SLC7A8: variants seen among roughly 807,000 people sequenced by gnomAD.
The protein encoded by SLC7A8 is solute carrier family 7 member 8, also known as large neutral amino acids transporter small subunit 2.
Under a neutral mutation model 51.2 loss-of-function variants are expected in SLC7A8, and 30 were observed. The observed-to-expected ratio is 0.59, with a 90% CI of 0.44 to 0.80. SLC7A8 has a LOEUF of 0.80. Ranked by LOEUF, SLC7A8 falls within the 30% of genes least tolerant of loss-of-function variation. The pLI, the probability that SLC7A8 is intolerant of heterozygous loss-of-function variation, is 0.00. For missense variants in SLC7A8, 612 were observed against 674.4 expected (o/e 0.91, Z 1.03); for synonymous variants, 257 against 275.8 (o/e 0.93, Z 0.67).
intron 10 of SLC7A8, 63 bp from the exon 11 acceptor site, chr14:23,127,406 G>A: frequency 6.3e-7 from 1 of 1,580,438 alleles, no homozygotes; most frequent in Non-Finnish European, 8.6e-7. Flanking sequence ...CTGGCCAAGT[G>A]GCCCCGGCCC....
At chr14:23,177,581 C>T (rs1164304725) in intron 1 of SLC7A8, among the ~76,000 whole-genome samples, 1 of 152,196 alleles carries the variant, frequency 6.6e-6, no homozygotes, top group Non-Finnish European at 1.5e-5. Context: ...GCCTTCAAGA[C>T]ACAGATTCTG....
rs183987136 is a variant in SLC7A8 at position 23,149,992 on chromosome 14, A to T, written c.509-6788T>A. Among the ~76,000 whole-genome samples the T allele has an allele frequency of 1.5e-3, 227 of 152,344 alleles. 2 individuals are homozygous for T. The highest frequency in any genetic ancestry group is 5.2e-3 in the African/African-American group (217 of 41,576). The stretch of plus-strand genomic sequence containing the variant: ...ACCTAGTTTCATGTCAGTACACTCT[A>T]TGATGTTTGCATAATGACTAAATCA... On this transcript the variant is annotated intron_variant, in intron 3 of 10. Coordinates refer to ENST00000316902, the MANE Select transcript of SLC7A8 (RefSeq NM_012244.4).
At chr14:23,136,112 A>T (rs1202433518) in intron 7 of SLC7A8, among the ~76,000 whole-genome samples, 3 of 152,196 alleles carry the variant, frequency 2.0e-5, no homozygotes, top group Non-Finnish European at 4.4e-5. Context: ...TTTACTTTGT[A>T]ATTTGTGTAT....
At position 23,176,802 on chromosome 14, in the gene SLC7A8, C is replaced by T. The variant is rs368618474; in HGVS notation, c.151+5962G>A. Among the ~76,000 whole-genome samples, 30 of 151,902 alleles carry T rather than the reference C, an allele frequency of 2.0e-4. No individual in the cohort carries two copies. The East Asian group carries it at 2.7e-3, about 14-fold the overall frequency. On this transcript the variant is annotated intron_variant, in intron 1 of 10. Transcript: ENST00000316902. ...ACTAAAAATACAAAAATTAGCTGAG[C>T]GTGGTAGCTCGCGCCTGTAATCCCT...
At position 23,128,435 on chromosome 14, in the gene SLC7A8, C is replaced by T. The variant is rs1194090072; in HGVS notation, c.1264-239G>A. Reference sequence around the variant, plus strand: ...GGATGGGGAGGAGTTAGGGAGGAAACGATCCTCCTTGCCCATGTCCTCGCT... The same window carrying T: ...GGATGGGGAGGAGTTAGGGAGGAAATGATCCTCCTTGCCCATGTCCTCGCT... On this transcript the variant is annotated intron_variant, in intron 9 of 10. Coordinates refer to ENST00000316902, the MANE Select transcript of SLC7A8 (RefSeq NM_012244.4). The surrounding 1 kb of genome is among the most constrained non-coding windows in gnomAD (Gnocchi z 4.3). The T allele has an allele frequency of 2.9e-5, 41 of 1,392,126 alleles. No individual in the cohort carries two copies. The highest frequency in any genetic ancestry group is 3.8e-5 in the Non-Finnish European group (39 of 1,029,590). 86.2% of individuals were successfully genotyped at this position (1,392,126 alleles called of 1,614,324 possible). A position where few individuals can be genotyped will look rare whatever the true frequency, so the allele number is the denominator to read the frequency against.
intron 10 of SLC7A8, among the ~76,000 whole-genome samples, chr14:23,127,593 C>T (rs1276927352): frequency 6.6e-6 from 1 of 152,252 alleles, no homozygotes; most frequent in Non-Finnish European, 1.5e-5. Flanking sequence ...CTCCTCTGGT[C>T]TCCACCCAGC....
At chr14:23,169,563 C>T (rs1457600850) in intron 1 of SLC7A8, among the ~76,000 whole-genome samples, 1 of 151,974 alleles carries the variant, frequency 6.6e-6, no homozygotes, top group African/African-American at 2.4e-5. Flanking sequence ...TATGCCACCA[C>T]ACCTGGCTGA....
intron 4 of SLC7A8, among the ~76,000 whole-genome samples, chr14:23,142,105 A>G (rs1039198223): frequency 1.3e-5 from 2 of 152,254 alleles, no homozygotes; most frequent in Non-Finnish European, 2.9e-5. Flanking sequence ...TGTTTAAAAT[A>G]ATCAGGCATA....
Position 23,128,625 on chromosome 14 carries a change from G to A in SLC7A8, c.1264-429C>T, listed in dbSNP as rs981696156. On this transcript the variant is annotated intron_variant, in intron 9 of 10. Transcript: ENST00000316902. This position sits in a 1 kb window ranked among gnomAD's most constrained non-coding sequence, Gnocchi z 4.3. ...ACAAGGTGCAGGCAGGAGACGATTC[G>A]AGTCACTCAGGCTCCCTGGTCCTTG... is the stretch of plus-strand genomic sequence containing the variant. Among the ~76,000 whole-genome samples the A allele has an allele frequency of 1.3e-5, 2 of 152,216 alleles. No individual in the cohort carries two copies. Among genetic ancestry groups the A allele is most frequent in the Non-Finnish European group, 1.5e-5 (1 of 68,038 alleles).
intron 1 of SLC7A8, among the ~76,000 whole-genome samples, chr14:23,173,302 A>G (rs868677130): frequency 6.6e-6 from 1 of 152,228 alleles, no homozygotes. Flanking sequence ...TGGAAAAAAA[A>G]TCACTGGCAT....
At chr14:23,156,117 G>A (rs901986854) in intron 3 of SLC7A8, among the ~76,000 whole-genome samples, 1 of 151,828 alleles carries the variant, frequency 6.6e-6, no homozygotes, top group Admixed American at 6.6e-5. Flanking sequence ...TCCTGCCTCA[G>A]CCTCCCGAGT....
intron 1 of SLC7A8, among the ~76,000 whole-genome samples, chr14:23,172,504 C>T (rs940656416): frequency 4.6e-5 from 7 of 152,258 alleles, no homozygotes; most frequent in Non-Finnish European, 8.8e-5. Flanking sequence ...AGACAGGCAT[C>T]GTAGCCTGGG....
rs951681199 is a variant in SLC7A8, at chr14:23,183,591, T to C, written c.-677A>G. The C allele has an allele frequency of 6.6e-6, 1 of 152,386 alleles. No homozygotes were observed. Among genetic ancestry groups the C allele is most frequent in the Non-Finnish European group, 1.5e-5 (1 of 68,170 alleles). 9.4% of individuals were successfully genotyped at this position (152,386 alleles called of 1,614,324 possible). ...GTCTTCGTGCCCTTGTTTTCCTCTT[T>C]TCGATCCCCGTTCTACTGCACAGCC... On this transcript the variant is annotated 5_prime_UTR_variant, in exon 1 of 11. Coordinates refer to ENST00000316902, the MANE Select transcript of SLC7A8 (RefSeq NM_012244.4).
chr14:23,174,170 T>C (rs1480985175), intron 1 of SLC7A8, among the ~76,000 whole-genome samples: 2 of 152,228 alleles, frequency 1.3e-5, no homozygotes, highest in Non-Finnish European at 2.9e-5. Context: ...AGGGTCCAAA[T>C]ACCACCTTAA....
chr14:23,142,760 C>A (rs561951496), intron 4 of SLC7A8, among the ~76,000 whole-genome samples: 155 of 152,256 alleles, frequency 1.0e-3, no homozygotes, highest in African/African-American at 3.7e-3. Flanking sequence ...CCTCATCCTT[C>A]CTAAGTGCTG....
chr14:23,143,455 T>C (rs2048763788), intron 3 of SLC7A8, among the ~76,000 whole-genome samples: 1 of 152,244 alleles, frequency 6.6e-6, no homozygotes, highest in African/African-American at 2.4e-5. Flanking sequence ...GAAGTAGGCA[T>C]GGAAGTGTAG....
intron 1 of SLC7A8, among the ~76,000 whole-genome samples, chr14:23,180,112 T>C (rs373164778): frequency 5.3e-5 from 8 of 152,246 alleles, no homozygotes; most frequent in African/African-American, 1.4e-4. Context: ...TTCACCGTGT[T>C]AGCCAGGATG....
rs2048943873 is a variant in SLC7A8 at position 23,165,328 on chromosome 14, G to A, written c.465C>T (p.Phe155=). The part of the protein sequence containing the change: ...YVLQPLFPTC[F]PPESGLRLLA... ...GGAGCCGAAGGCCAGACTCTGGGGGGAAGCAGGTGGGGAAGAGCGGCTGCA... is the reference window on the plus strand; with the variant it reads ...GGAGCCGAAGGCCAGACTCTGGGGGAAAGCAGGTGGGGAAGAGCGGCTGCA... The change falls in exon 3 of 11, where the codon TTC becomes TTT. Residue 155 remains phenylalanine (F), a synonymous_variant. Coordinates refer to ENST00000316902, the MANE Select transcript of SLC7A8 (RefSeq NM_012244.4). This position sits in a 1 kb window ranked among gnomAD's most constrained non-coding sequence, Gnocchi z 4.2. 4 of 1,607,542 alleles carry A rather than the reference G, an allele frequency of 2.5e-6. No homozygotes were observed. The South Asian group carries it at 3.3e-5, about 13-fold the overall frequency.
rs373605214 is a variant in SLC7A8 at position 23,180,195 on chromosome 14, C to T, written c.151+2569G>A. On this transcript the variant is annotated intron_variant, in intron 1 of 10. Transcript: ENST00000316902. Reference sequence around the variant, plus strand: ...TGCTGGGATTACAGGTGTGAGCCACCGCACCCGGCCCTTTTTTTGCCTTTT... The same window carrying T: ...TGCTGGGATTACAGGTGTGAGCCACTGCACCCGGCCCTTTTTTTGCCTTTT... Among the ~76,000 whole-genome samples, 405 of 152,318 alleles carry T rather than the reference C, an allele frequency of 2.7e-3. 6 individuals are homozygous for T. In the East Asian group the frequency reaches 0.049, roughly 18 times the overall value.
Sources: gnomAD v4.1 joint callset for allele counts (sites outside exome capture counted in the v4.1 genomes callset) on GRCh38, gnomAD v4.1.1 for gene constraint, Gnocchi (gnomAD v3.1) non-coding constraint, MANE v1.5 for transcripts, NCBI Gene and HGNC (gene_info 2026-07-23, HGNC 2026-07-21) for gene names.